SASH1: variants seen among roughly 807,000 people sequenced by gnomAD.
The protein encoded by SASH1 is SAM and SH3 domain containing 1, also known as SAM and SH3 domain-containing protein 1.
Under a neutral mutation model 125.2 loss-of-function variants are expected in SASH1, and 44 were observed. The ratio of observed to expected loss-of-function variants is 0.35; its 90% confidence interval spans 0.28 to 0.45. The LOEUF (loss-of-function observed/expected upper bound fraction) is 0.45, where lower values mean the gene tolerates loss of function less well. SASH1 is among the 20% of genes least tolerant of loss of function. The probability of loss-of-function intolerance (pLI) is 1.00; values close to 1 mark genes in which losing one functional copy is unlikely to be tolerated. For missense variants in SASH1, 1,426 were observed against 1,614.5 expected (o/e 0.88, Z 2.00); for synonymous variants, 639 against 649.1 (o/e 0.98, Z 0.24).
intron 2 of SASH1, among the ~76,000 whole-genome samples, chr6:148,406,696 A>G (rs1020563838): frequency 6.6e-6 from 1 of 152,196 alleles, no homozygotes; most frequent in Non-Finnish European, 1.5e-5. Flanking sequence ...CCAAGGGAGG[A>G]GCAGAGAGAA....
At chr6:148,393,665 A>T (rs1783826556) in intron 2 of SASH1, 3 of 980,918 alleles carry the variant, frequency 3.1e-6, no homozygotes, top group African/African-American at 1.8e-5. Context: ...ATTCAAACAG[A>T]TGGGGCTAAT....
At chr6:148,339,485 C>T (rs189673117), upstream of SASH1, among the ~76,000 whole-genome samples, 2 of 151,538 alleles carry the variant, frequency 1.3e-5, no homozygotes, top group East Asian at 3.9e-4. Flanking sequence ...AAAATGCTGG[C>T]TAAGGTTTAA....
the SASH1 span, among the ~76,000 whole-genome samples, chr6:148,247,269 G>T: frequency 1.1e-4 from 17 of 152,140 alleles, no homozygotes; most frequent in African/African-American, 4.1e-4. Flanking sequence ...TAAGTTCAAG[G>T]TTCAGCACAC....
intron 2 of SASH1, among the ~76,000 whole-genome samples, chr6:148,411,959 C>T (rs1203055688): frequency 6.6e-6 from 1 of 152,236 alleles, no homozygotes; most frequent in Non-Finnish European, 1.5e-5. Context: ...GGAGGTTTCA[C>T]TCTTGATAGA....
At chr6:148,260,885 T>G in the SASH1 span, among the ~76,000 whole-genome samples, 1 of 140,262 alleles carries the variant, frequency 7.1e-6, no homozygotes, top group Non-Finnish European at 1.5e-5. Flanking sequence ...CACTGCAACC[T>G]CTTCTGCCTC....
chr6:148,222,137 C>A, the SASH1 span, among the ~76,000 whole-genome samples: 4 of 152,184 alleles, frequency 2.6e-5, no homozygotes, highest in African/African-American at 4.8e-5. Flanking sequence ...TCCTCCTTCA[C>A]ATTAAGGGGC....
chr6:148,451,103 G>A (rs980693222), intron 4 of SASH1, among the ~76,000 whole-genome samples: 6 of 152,228 alleles, frequency 3.9e-5, no homozygotes, highest in Non-Finnish European at 8.8e-5. Context: ...ACATAGTCAT[G>A]AGCCCTGAGG....
Position 148,359,523 on chromosome 6 carries a change from T to C in SASH1, c.156+16300T>C, listed in dbSNP as rs563548481. Among the ~76,000 whole-genome samples the C allele has an allele frequency of 1.7e-3, 263 of 152,276 alleles. 2 individuals are homozygous for C. The highest frequency in any genetic ancestry group is 3.0e-3 in the Non-Finnish European group (202 of 68,022). The stretch of plus-strand genomic sequence containing the variant: ...TGGATGAGTAAAGAAAGTGGTTTCT[T>C]GAGCTGGAAACTACTCCTGGTGAAG... On this transcript the variant is annotated intron_variant, in intron 1 of 19. Coordinates refer to ENST00000367467, the MANE Select transcript of SASH1 (RefSeq NM_015278.5).
At chr6:148,205,261 G>C in the SASH1 span, among the ~76,000 whole-genome samples, 2 of 152,150 alleles carry the variant, frequency 1.3e-5, no homozygotes, top group Non-Finnish European at 2.9e-5. Flanking sequence ...CCTTCGACTT[G>C]AAATGGTTCT....
chr6:148,288,516 T>A (rs1370224848), intron 1 of SASH1, among the ~76,000 whole-genome samples: 1 of 152,208 alleles, frequency 6.6e-6, no homozygotes, highest in Non-Finnish European at 1.5e-5. Flanking sequence ...CAGGAAGCCA[T>A]CTCTCAACAG....
rs565124449 is a variant in SASH1 at position 148,312,758 on chromosome 6, A to G, written n.74+40381A>G. On this transcript the variant is annotated intron_variant and non_coding_transcript_variant, in intron 1 of 3. Transcript: ENST00000367469. ...CCATTTACTCTACGCTAGGTTTTAG[A>G]TGTGCCTTTATATTCATTATATAAG... is the stretch of plus-strand genomic sequence containing the variant. Among the ~76,000 whole-genome samples, 468 of 152,290 alleles carry G rather than the reference A, an allele frequency of 3.1e-3. 6 individuals are homozygous for G. The highest frequency in any genetic ancestry group is 0.01 in the African/African-American group (426 of 41,560).
chr6:148,425,493 TC>T (rs1775773154), intron 2 of SASH1, among the ~76,000 whole-genome samples: 1 of 152,178 alleles, frequency 6.6e-6, no homozygotes, highest in Non-Finnish European at 1.5e-5. Context: ...CATCAAGAGA[TC>T]ATCATTAAAC....
At chr6:148,276,836 G>C (rs954423374) in intron 1 of SASH1, among the ~76,000 whole-genome samples, 2 of 152,088 alleles carry the variant, frequency 1.3e-5, no homozygotes, top group African/African-American at 2.4e-5. Context: ...TGAAATCCAA[G>C]CTACTTGGGA....
Position 148,358,339 on chromosome 6 carries a change from C to G in SASH1, c.156+15116C>G, listed in dbSNP as rs375658991. Among the ~76,000 whole-genome samples the G allele has an allele frequency of 2.2e-4, 33 of 152,292 alleles. 2 individuals carry two copies. The South Asian group carries it at 5.6e-3, about 26-fold the overall frequency. On this transcript the variant is annotated intron_variant, in intron 1 of 19. Coordinates refer to ENST00000367467, the MANE Select transcript of SASH1 (RefSeq NM_015278.5). ...CAAGTGAAAGCAGATTGGTTTGAAT[C>G]TTGCATTTGCTGGTTGGCTCAAGAG...
chr6:148,372,734 C>T (rs886073786), intron 1 of SASH1, among the ~76,000 whole-genome samples: 11 of 145,116 alleles, frequency 7.6e-5, no homozygotes, highest in Admixed American at 7.1e-4. Flanking sequence ...TTCATTCATT[C>T]AGTGCATTTA....
intron 1 of SASH1, among the ~76,000 whole-genome samples, chr6:148,366,971 CT>C (rs10676946): frequency 2.6e-4 from 33 of 125,298 alleles, no homozygotes; most frequent in East Asian, 5.0e-4. Context: ...TAGTGGGTAG[CT>C]TTTTTTTTTT....
At chr6:148,269,338 T>G (rs534412430), upstream of SASH1, among the ~76,000 whole-genome samples, 48 of 152,238 alleles carry the variant, frequency 3.2e-4, 1 homozygote, top group South Asian at 9.7e-3. Context: ...CTGTCCAGGT[T>G]GGAGTGCGGT....
At chr6:148,444,889 G>A (rs537886799) in intron 4 of SASH1, among the ~76,000 whole-genome samples, 77 of 152,290 alleles carry the variant, frequency 5.1e-4, no homozygotes, top group African/African-American at 1.8e-3. Flanking sequence ...ACTTACAGTT[G>A]ATTTTTGATT....
the SASH1 span, among the ~76,000 whole-genome samples, chr6:148,201,552 G>A: frequency 2.0e-5 from 3 of 152,266 alleles, no homozygotes; most frequent in East Asian, 1.9e-4. Context: ...AGGCAATGCC[G>A]ATACTGCTGA....
Sources: allele counts gnomAD v4.1 joint callset (sites outside exome capture counted in the v4.1 genomes callset), GRCh38; gene constraint gnomAD v4.1.1; transcripts MANE v1.5; gene names NCBI Gene and HGNC (gene_info 2026-07-23, HGNC 2026-07-21).